CRTC3: variants seen among roughly 807,000 people sequenced by gnomAD.
CRTC3 encodes CREB regulated transcription coactivator 3.
Under a neutral mutation model 74.5 loss-of-function variants are expected in CRTC3, and 26 were observed. The observed-to-expected ratio is 0.35, with a 90% CI of 0.26 to 0.48. The LOEUF is 0.48. Ranked by LOEUF, CRTC3 falls within the 20% of genes least tolerant of loss-of-function variation. The pLI is 0.99. For missense variants in CRTC3, 760 were observed against 787.3 expected, an observed-to-expected ratio of 0.97 and a Z score of 0.41; for synonymous variants, 377 against 325.8, an observed-to-expected ratio of 1.16 and a Z score of -1.69.
intron 2 of CRTC3, among the ~76,000 whole-genome samples, chr15:90,543,467 T>C (rs942190253): frequency 1.3e-5 from 2 of 152,198 alleles, no homozygotes; most frequent in South Asian, 4.1e-4. Context: ...TATGGTTTTA[T>C]GATTTTCTAT....
chr15:90,641,171 CG>C lies in CRTC3; in HGVS notation c.1626del (p.Ser543ValfsTer31). 6.2e-7 allele frequency: 1 copy of C among 1,613,682 alleles called. No individual in the cohort carries two copies. The highest frequency in any genetic ancestry group is 8.5e-7 in the Non-Finnish European group (1 of 1,179,660). ...TGAGACCAAGCCCGTATTCCAACTG[CG>C]GGAGTCTCCCGAACACCATCCTGCC... ...HLRPSPYSNC[G>X]SLPNTILPED... On this transcript the variant is annotated frameshift_variant, in exon 14 of 15. Coordinates refer to ENST00000268184, the MANE Select transcript of CRTC3 (RefSeq NM_022769.5). LOFTEE classifies it high-confidence loss of function.
chr15:90,576,881 A>G (rs1223117245), intron 2 of CRTC3, among the ~76,000 whole-genome samples: 2 of 151,498 alleles, frequency 1.3e-5, no homozygotes, highest in Non-Finnish European at 2.9e-5. Context: ...AGTTGAGGCA[A>G]CTCCTTCATC....
chr15:90,533,431 A>AC, intron 1 of CRTC3, among the ~76,000 whole-genome samples: 1 of 151,936 alleles, frequency 6.6e-6, no homozygotes, highest in Non-Finnish European at 1.5e-5. Context: ...GGAAAAAAAA[A>AC]AAAAAAGGGA....
intron 9 of CRTC3, among the ~76,000 whole-genome samples, chr15:90,624,733 T>A (rs958398949): frequency 1.3e-5 from 2 of 152,274 alleles, no homozygotes; most frequent in Non-Finnish European, 2.9e-5. Flanking sequence ...CCTGCCCATC[T>A]GTGAATTCCA....
At chr15:90,535,109 C>T (rs1003643099) in intron 1 of CRTC3, among the ~76,000 whole-genome samples, 3 of 150,468 alleles carry the variant, frequency 2.0e-5, no homozygotes, top group Non-Finnish European at 2.9e-5. Context: ...TGCAGTGAGC[C>T]GAGATTGTGC....
intron 4 of CRTC3, among the ~76,000 whole-genome samples, chr15:90,603,248 C>T (rs1026025857): frequency 1.3e-5 from 2 of 150,272 alleles, no homozygotes; most frequent in African/African-American, 2.5e-5. Context: ...TCGAGACCAT[C>T]CTCGCTAACA....
In CRTC3 at chr15:90,638,770, T is replaced by A. The variant is rs1288072835; in HGVS notation, c.1503T>A (p.Gly501=). The change falls in exon 13 of 15, where the codon GGT becomes GGA. Residue 501 remains glycine (G), a synonymous_variant. Coordinates refer to ENST00000268184, the MANE Select transcript of CRTC3 (RefSeq NM_022769.5). ...SSLTNFFPDV[G]FDQQSMRPGP... ...TGACCAACTTCTTCCCAGATGTGGG[T>A]TTTGACCAGCAGTCCATGAGGCCAG... 1.9e-6 allele frequency: 3 copies of A among 1,614,090 alleles called. No homozygotes were observed. The South Asian group carries it at 3.3e-5, about 18-fold the overall frequency.
At chr15:90,571,535 C>T (rs1178053244) in intron 2 of CRTC3, among the ~76,000 whole-genome samples, 1 of 152,140 alleles carries the variant, frequency 6.6e-6, no homozygotes, top group African/African-American at 2.4e-5. Flanking sequence ...AAGGACTTTG[C>T]TTTCTTATTA....
chr15:90,551,207 A>T (rs551819000), intron 2 of CRTC3, among the ~76,000 whole-genome samples: 51 of 152,312 alleles, frequency 3.3e-4, no homozygotes, highest in African/African-American at 1.2e-3. Context: ...GATCTAATGA[A>T]TGCGGAATAA....
intron 2 of CRTC3, among the ~76,000 whole-genome samples, chr15:90,562,201 A>G (rs1283725545): frequency 1.3e-5 from 2 of 152,186 alleles, no homozygotes; most frequent in African/African-American, 2.4e-5. Flanking sequence ...GCAAGGGAAA[A>G]CACTTCCCCA....
rs557814785 is a variant in CRTC3 at position 90,543,453 on chromosome 15, G to A, written c.231+3316G>A. Among the ~76,000 whole-genome samples the A allele has an allele frequency of 6.1e-4, 93 of 151,238 alleles. 3 individuals are homozygous for A. The South Asian group carries it at 0.017, about 28-fold the overall frequency. On this transcript the variant is annotated intron_variant, in intron 2 of 14. Transcript: ENST00000268184. ...TCTATACATTCATTTTTTATCTCTC[G>A]GTATATGGTTTTATGATTTTCTATT... is the stretch of plus-strand genomic sequence containing the variant.
At chr15:90,554,049 C>T (rs997788484) in intron 2 of CRTC3, among the ~76,000 whole-genome samples, 2 of 152,170 alleles carry the variant, frequency 1.3e-5, no homozygotes, top group Non-Finnish European at 2.9e-5. Flanking sequence ...CTTGGGCAAA[C>T]CACTTAGCAT....
intron 2 of CRTC3, among the ~76,000 whole-genome samples, chr15:90,576,940 A>AG (rs1259212771): frequency 6.6e-6 from 1 of 152,156 alleles, no homozygotes; most frequent in East Asian, 1.9e-4. Flanking sequence ...CGGGGCAAGG[A>AG]GGAGGAATAG....
At chr15:90,567,787 T>A (rs2099096903) in intron 2 of CRTC3, among the ~76,000 whole-genome samples, 1 of 152,208 alleles carries the variant, frequency 6.6e-6, no homozygotes, top group Admixed American at 6.5e-5. Flanking sequence ...AGATTAGTGT[T>A]TTTATGCCTT....
intron 9 of CRTC3, 37 bp downstream of exon 9, chr15:90,619,827 A>G (rs750921748): frequency 1.2e-5 from 19 of 1,556,278 alleles, no homozygotes; most frequent in African/African-American, 5.4e-5. Flanking sequence ...TTCAGGGACT[A>G]TCCTGAAGGT....
intron 1 of CRTC3, among the ~76,000 whole-genome samples, chr15:90,539,062 T>C (rs1005071534): frequency 1.3e-5 from 2 of 152,178 alleles, no homozygotes; most frequent in African/African-American, 4.8e-5. Context: ...CTGGTAGTGT[T>C]TTATTATTGT....
intron 14 of CRTC3, among the ~76,000 whole-genome samples, chr15:90,641,542 CA>C (rs941278421): frequency 2.6e-5 from 4 of 151,752 alleles, no homozygotes; most frequent in East Asian, 3.9e-4. Context: ...CTAAAAAATA[CA>C]AAAAAAATTA....
intron 4 of CRTC3, among the ~76,000 whole-genome samples, chr15:90,602,911 T>C (rs989011583): frequency 1.3e-4 from 19 of 151,070 alleles, no homozygotes; most frequent in Middle Eastern, 3.5e-3. Context: ...GAGTCGGAGG[T>C]TGCAGTGAGC....
At chr15:90,634,137 G>C (rs906530680) in intron 11 of CRTC3, among the ~76,000 whole-genome samples, 2 of 150,634 alleles carry the variant, frequency 1.3e-5, no homozygotes, top group African/African-American at 4.9e-5. Flanking sequence ...TTTGAGACAG[G>C]GTCTTGCTCT....
Sources: gnomAD v4.1 joint callset for allele counts (sites outside exome capture counted in the v4.1 genomes callset) on GRCh38, gnomAD v4.1.1 for gene constraint, MANE v1.5 for transcripts, NCBI Gene and HGNC (gene_info 2026-07-23, HGNC 2026-07-21) for gene names.